SPECC1: variants seen among roughly 807,000 people sequenced by gnomAD.
The protein encoded by SPECC1 is sperm antigen with calponin homology and coiled-coil domains 1, also known as cytospin-B.
A neutral mutation model predicts 104.1 loss-of-function variants in SPECC1; 62 were observed. That is an observed-to-expected ratio of 0.60 (90% CI 0.49 to 0.74). SPECC1 has a LOEUF of 0.74. Among genes scored for constraint, SPECC1 ranks in the 30% least tolerant of loss-of-function variants. The pLI is 0.00. For synonymous variants in SPECC1, 513 were observed against 501.6 expected, an observed-to-expected ratio of 1.02 and a Z score of -0.30; for missense variants, 1,306 against 1,310.5, an observed-to-expected ratio of 1.00 and a Z score of 0.05.
chr17:20,197,822 C>G (rs935041972), intron 3 of SPECC1, among the ~76,000 whole-genome samples: 8 of 152,044 alleles, frequency 5.3e-5, no homozygotes, highest in African/African-American at 1.9e-4. Flanking sequence ...CCTAAAGCAC[C>G]CCTTGACACG....
chr17:20,162,247 G>A (rs1309533533), intron 3 of SPECC1, among the ~76,000 whole-genome samples: 4 of 152,028 alleles, frequency 2.6e-5, no homozygotes, highest in South Asian at 2.1e-4. Context: ...CCGGGTTCAC[G>A]CCATTCTCCT....
chr17:20,260,881 C>G (rs1274738636), intron 12 of SPECC1, among the ~76,000 whole-genome samples: 1 of 152,088 alleles, frequency 6.6e-6, no homozygotes, highest in Admixed American at 6.5e-5. Flanking sequence ...TGTCTTGAGT[C>G]ATGGGCCACC....
At chr17:20,148,093 T>C (rs1164934417) in intron 3 of SPECC1, among the ~76,000 whole-genome samples, 1 of 152,190 alleles carries the variant, frequency 6.6e-6, no homozygotes, top group African/African-American at 2.4e-5. Flanking sequence ...TTAGGAACTG[T>C]CTTCTGGTCC....
chr17:20,164,533 G>A (rs1294292614), intron 3 of SPECC1, among the ~76,000 whole-genome samples: 1 of 152,218 alleles, frequency 6.6e-6, no homozygotes, highest in Non-Finnish European at 1.5e-5. Flanking sequence ...ACAGGGACAA[G>A]GTTGGGATTC....
chr17:20,047,539 C>A (rs993338810), intron 1 of SPECC1, among the ~76,000 whole-genome samples: 1 of 152,154 alleles, frequency 6.6e-6, no homozygotes, highest in East Asian at 1.9e-4. Context: ...TTTCCTGTGC[C>A]ATTTGTTTTG....
intron 4 of SPECC1, among the ~76,000 whole-genome samples, chr17:20,225,516 G>A (rs2038146266): frequency 6.6e-6 from 1 of 152,164 alleles, no homozygotes; most frequent in Non-Finnish European, 1.5e-5. Context: ...TCTGTCCTGT[G>A]TTGCTTTCTG....
chr17:20,250,831 A>T (rs562469385), intron 9 of SPECC1, among the ~76,000 whole-genome samples: 1 of 152,318 alleles, frequency 6.6e-6, no homozygotes, highest in South Asian at 2.1e-4. Flanking sequence ...TTATTCAGAG[A>T]CACATGAAAA....
intron 12 of SPECC1, among the ~76,000 whole-genome samples, chr17:20,274,160 G>A (rs1408220419): frequency 6.6e-6 from 1 of 152,164 alleles, no homozygotes; most frequent in Non-Finnish European, 1.5e-5. Flanking sequence ...CAGATGGATG[G>A]CTATTTATTT....
chr17:20,067,693 C>T (rs944474916), intron 1 of SPECC1, among the ~76,000 whole-genome samples: 1 of 151,880 alleles, frequency 6.6e-6, no homozygotes, highest in African/African-American at 2.4e-5. Context: ...TATCATATTT[C>T]TATAGAGATA....
chr17:20,062,451 C>G (rs1225953975), intron 1 of SPECC1, among the ~76,000 whole-genome samples: 1 of 152,040 alleles, frequency 6.6e-6, no homozygotes, highest in African/African-American at 2.4e-5. Flanking sequence ...CAGCCTTGAA[C>G]TCCTGTGCTC....
At chr17:20,133,006 T>C (rs1186748444) in intron 3 of SPECC1, among the ~76,000 whole-genome samples, 1 of 152,208 alleles carries the variant, frequency 6.6e-6, no homozygotes, top group African/African-American at 2.4e-5. Context: ...CCCGAAGTTC[T>C]GGGATTACAG....
rs138148575 is a variant in SPECC1 at position 20,070,527 on chromosome 17, C to G, written c.-21-26104C>G. 3.6e-3 allele frequency among the ~76,000 whole-genome samples: 547 copies of G among 152,156 alleles called. 1 individual carries two copies. Among genetic ancestry groups the G allele is most frequent in the Non-Finnish European group, 6.6e-3 (449 of 67,980 alleles). On this transcript the variant is annotated intron_variant, in intron 1 of 14. Transcript: ENST00000395527. ...TGCTAGTATTTTGTTGAGGATTTTTCTATATCTTATCTATATATTTTATCT... is the reference window on the plus strand; with the variant it reads ...TGCTAGTATTTTGTTGAGGATTTTTGTATATCTTATCTATATATTTTATCT...
At chr17:20,259,005 C>T (rs2039932987) in intron 11 of SPECC1, among the ~76,000 whole-genome samples, 1 of 152,226 alleles carries the variant, frequency 6.6e-6, no homozygotes, top group Admixed American at 6.5e-5. Context: ...TAGCATTTCA[C>T]TTAGTAAAAC....
chr17:20,141,089 C>T (rs1475248134), intron 3 of SPECC1, among the ~76,000 whole-genome samples: 1 of 152,222 alleles, frequency 6.6e-6, no homozygotes, highest in Non-Finnish European at 1.5e-5. Flanking sequence ...CCTCCTGCCA[C>T]TGCAGACCTT....
intron 3 of SPECC1, among the ~76,000 whole-genome samples, chr17:20,168,665 T>C (rs1157150495): frequency 1.3e-5 from 2 of 152,214 alleles, no homozygotes; most frequent in African/African-American, 4.8e-5. Flanking sequence ...TAGAATTCTC[T>C]TGTTAGAATA....
At chr17:20,307,267 T>G (rs887632470) in intron 14 of SPECC1, among the ~76,000 whole-genome samples, 4 of 152,244 alleles carry the variant, frequency 2.6e-5, no homozygotes, top group Non-Finnish European at 5.9e-5. Context: ...GTTAATTTTC[T>G]TAACAATAGT....
intron 1 of SPECC1, among the ~76,000 whole-genome samples, chr17:20,029,553 G>T (rs2044727660): frequency 6.6e-6 from 1 of 151,908 alleles, no homozygotes; most frequent in Admixed American, 6.6e-5. Flanking sequence ...TCTGGGCCTG[G>T]GATTTTCTTT....
At chr17:20,160,690 C>T (rs2033057894) in intron 3 of SPECC1, among the ~76,000 whole-genome samples, 1 of 151,914 alleles carries the variant, frequency 6.6e-6, no homozygotes, top group African/African-American at 2.4e-5. Flanking sequence ...CTCTACCCAC[C>T]CATTAGTCTG....
At chr17:20,118,761 T>C (rs2152533721) in intron 3 of SPECC1, among the ~76,000 whole-genome samples, 1 of 152,350 alleles carries the variant, frequency 6.6e-6, no homozygotes, top group Middle Eastern at 3.4e-3. Context: ...TACATTGCTA[T>C]ACAAAATTAA....
Sources: allele counts gnomAD v4.1 joint callset (sites outside exome capture counted in the v4.1 genomes callset), GRCh38; gene constraint gnomAD v4.1.1; transcripts MANE v1.5; gene names NCBI Gene and HGNC (gene_info 2026-07-23, HGNC 2026-07-21).